Variants in ZNF16 observed in about 807,000 individuals in gnomAD.
ZNF16 encodes the protein zinc finger protein 16.
A neutral mutation model predicts 9.0 loss-of-function variants in ZNF16; 7 were observed. The ratio of observed to expected loss-of-function variants is 0.78; its 90% CI spans 0.44 to 1.47. The LOEUF (loss-of-function observed/expected upper bound fraction) is 1.47. Ranked by LOEUF, ZNF16 falls within the 40% of genes most tolerant of loss-of-function variation. The pLI is 0.01. For synonymous variants in ZNF16, 312 were observed against 301.5 expected (o/e 1.03, Z -0.36); for missense variants, 830 against 854.2 (o/e 0.97, Z 0.35).
chr8:144,946,094 G>T lies in ZNF16; in HGVS notation c.113C>A (p.Thr38Asn). 6 of 1,612,900 alleles carry T rather than the reference G, an allele frequency of 3.7e-6. No individual in the cohort carries two copies. The highest frequency in any genetic ancestry group is 5.1e-6 in the Non-Finnish European group (6 of 1,179,168). ...QARVRDAPAV[T>N]HPGSAACGTP... is the part of the protein sequence containing the mutation. ...ACCACAGGCTGCAGATCCAGGGTGG[G>T]TCACAGCAGGAGCATCTCTCACACG... Residue 38 changes from threonine to asparagine, a missense_variant, in exon 2 of 3, where the codon ACC becomes AAC. Physicochemically the swap from Thr to Asn is moderately conservative, Grantham distance 65. Coordinates refer to ENST00000394909, the MANE Select transcript of ZNF16 (RefSeq NM_006958.3).
At chr8:144,937,100 TC>T (rs1164042594) in intron 2 of ZNF16, among the ~76,000 whole-genome samples, 1 of 151,350 alleles carries the variant, frequency 6.6e-6, no homozygotes. Flanking sequence ...TTTGCAGATT[TC>T]CCCCCATTCT....
Position 144,931,588 on chromosome 8 carries a change from G to T in ZNF16, c.1199C>A (p.Thr400Asn). The change falls in exon 3 of 3, where the codon ACT (threonine) becomes AAT (asparagine). Residue 400 changes from threonine to asparagine, a missense_variant. By Grantham distance (65) the Thr-to-Asn change is moderately conservative (BLOSUM62 0). Transcript: ENST00000394909. ...ATTACACTCATAAGGCTTCTCTCCA[G>T]TGTGGACCCTCTGGTGCTTCCTCAG... is the stretch of plus-strand genomic sequence containing the variant. ...AHLRKHQRVH[T>N]GEKPYECNDC... 2 of 1,614,176 alleles carry T rather than the reference G, an allele frequency of 1.2e-6. No homozygotes were observed. Among genetic ancestry groups the T allele is most frequent in the Non-Finnish European group, 1.7e-6 (2 of 1,180,028 alleles).
chr8:144,936,172 T>C (rs1288822883), intron 2 of ZNF16, among the ~76,000 whole-genome samples: 2 of 152,254 alleles, frequency 1.3e-5, no homozygotes, highest in African/African-American at 4.8e-5. Context: ...AATGGAATTA[T>C]ATAGTATGTG....
At chr8:144,938,100 T>G (rs750150468) in intron 2 of ZNF16, among the ~76,000 whole-genome samples, 1 of 152,254 alleles carries the variant, frequency 6.6e-6, no homozygotes, top group Non-Finnish European at 1.5e-5. Context: ...ATGCGTTTAT[T>G]TCTGGACTCT....
intron 1 of ZNF16, among the ~76,000 whole-genome samples, chr8:144,946,556 C>CTGTGTCCTG (rs1833937769): frequency 8.2e-6 from 1 of 121,304 alleles, no homozygotes; most frequent in Non-Finnish European, 1.7e-5. Flanking sequence ...TGCTGTGGGG[C>CTGTGTCCTG]CTGTACCCTG....
intron 2 of ZNF16, among the ~76,000 whole-genome samples, chr8:144,937,901 C>A (rs1229182864): frequency 6.6e-6 from 1 of 152,114 alleles, no homozygotes; most frequent in African/African-American, 2.4e-5. Flanking sequence ...CTCCTGGCCT[C>A]AAGCGATCCT....
rs1833586240 is a variant in ZNF16, at chr8:144,932,643, G to C, written c.197-53C>G. 19 of 1,564,248 alleles carry C rather than the reference G, an allele frequency of 1.2e-5. No individual in the cohort carries two copies. Among genetic ancestry groups the C allele is most frequent in the Non-Finnish European group, 1.6e-5 (19 of 1,153,590 alleles). On this transcript the variant is annotated intron_variant, in intron 2 of 2. Coordinates refer to ENST00000394909, the MANE Select transcript of ZNF16 (RefSeq NM_006958.3). The surrounding 1 kb of genome is among the most constrained non-coding windows in gnomAD (Gnocchi z 5.0). Reference sequence around the variant, plus strand: ...GAAGGCAGTGCTGCAGCAGGAGCAGGAACATAGACAGTCACAGTTGCACCC... The same window carrying C: ...GAAGGCAGTGCTGCAGCAGGAGCAGCAACATAGACAGTCACAGTTGCACCC...
At chr8:144,949,530 C>G (rs929639667) in intron 1 of ZNF16, among the ~76,000 whole-genome samples, 1 of 152,204 alleles carries the variant, frequency 6.6e-6, no homozygotes, top group Admixed American at 6.5e-5. Context: ...TGACCTGTAC[C>G]TTGAACAATT....
At chr8:144,938,461 A>G (rs1333978567) in intron 2 of ZNF16, among the ~76,000 whole-genome samples, 2 of 152,194 alleles carry the variant, frequency 1.3e-5, no homozygotes, top group African/African-American at 4.8e-5. Context: ...TTCAGTGGAC[A>G]AGTCTTAAAT....
At chr8:144,942,270 G>A (rs528454535) in intron 2 of ZNF16, among the ~76,000 whole-genome samples, 1 of 150,618 alleles carries the variant, frequency 6.6e-6, no homozygotes. Flanking sequence ...GAGCCACCAT[G>A]CCTGGCCCAT....
At chr8:144,949,404 G>A (rs1834037330) in intron 1 of ZNF16, among the ~76,000 whole-genome samples, 2 of 152,204 alleles carry the variant, frequency 1.3e-5, no homozygotes, top group African/African-American at 4.8e-5. Context: ...ACCCACCCTT[G>A]TCTCCCATGC....
rs569696882 is a variant in ZNF16, at chr8:144,933,409, G to A, written c.197-819C>T. Among the ~76,000 whole-genome samples the A allele has an allele frequency of 3.3e-5, 5 of 152,256 alleles. No individual in the cohort carries two copies. Among genetic ancestry groups the A allele is most frequent in the South Asian group, 2.1e-4 (1 of 4,830 alleles). On this transcript the variant is annotated intron_variant, in intron 2 of 2. Coordinates refer to ENST00000394909, the MANE Select transcript of ZNF16 (RefSeq NM_006958.3). This position sits in a 1 kb window ranked among gnomAD's most constrained non-coding sequence, Gnocchi z 5.6. ...TCGTAACAATGTGCGTCATCTTTCC[G>A]CAGACAGAAATGCACACAAAGCTCC...
chr8:144,942,844 T>C (rs911158701), intron 2 of ZNF16, among the ~76,000 whole-genome samples: 1 of 152,184 alleles, frequency 6.6e-6, no homozygotes, highest in Admixed American at 6.5e-5. Flanking sequence ...AAAACCACAA[T>C]TAATTTTGCA....
chr8:144,942,061 T>C (rs1341034754), intron 2 of ZNF16, among the ~76,000 whole-genome samples: 1 of 146,232 alleles, frequency 6.8e-6, no homozygotes, highest in African/African-American at 2.6e-5. Context: ...CATTGCAAGC[T>C]CCGTCTCCCG....
chr8:144,945,243 A>G (rs1398368390), intron 2 of ZNF16: 2 of 152,234 alleles, frequency 1.3e-5, no homozygotes, highest in Middle Eastern at 3.4e-3. Context: ...GGTTCAAGCA[A>G]TTCTTGTGCT....
chr8:144,932,697 G>T lies in ZNF16; in HGVS notation c.197-107C>A. The stretch of plus-strand genomic sequence containing the variant: ...AACTGTGGAGGAGGCAAGGGGAGCA[G>T]GGGATCCTCTGGGGTGGCAGTCCAG... On this transcript the variant is annotated intron_variant, in intron 2 of 2. Coordinates refer to ENST00000394909, the MANE Select transcript of ZNF16 (RefSeq NM_006958.3). The surrounding 1 kb of genome is among the most constrained non-coding windows in gnomAD (Gnocchi z 5.0). 1 of 1,238,362 alleles carries T rather than the reference G, an allele frequency of 8.1e-7. No individual in the cohort carries two copies. The highest frequency in any genetic ancestry group is 1.1e-6 in the Non-Finnish European group (1 of 888,966). The allele number at this position is 1,238,362 out of a possible 1,614,324, so 76.7% of individuals were successfully genotyped here. A position where few individuals can be genotyped will look rare whatever the true frequency, so the allele number is the denominator to read the frequency against.
Position 144,931,451 on chromosome 8 carries a change from AG to A in ZNF16, c.1335del (p.Ser446ProfsTer125). 1 of 1,614,016 alleles carries A rather than the reference AG, an allele frequency of 6.2e-7. No homozygotes were observed. ...ATTCTCCGATGCTGAATAAGGCTGG[AG>A]CTCTGACTAAATGCTTTCCCACAGT... is the stretch of plus-strand genomic sequence containing the variant. ...CSDCGKAFSQ[S>X]SSLIQHRRIH... On this transcript the variant is annotated frameshift_variant, in exon 3 of 3. Transcript: ENST00000394909. LOFTEE classifies it low-confidence loss of function (END_TRUNC).
chr8:144,949,577 C>T (rs1408207351), intron 1 of ZNF16, among the ~76,000 whole-genome samples: 1 of 152,218 alleles, frequency 6.6e-6, no homozygotes, highest in East Asian at 1.9e-4. Context: ...AACTTTGCCC[C>T]AGCCACTTTG....
At position 144,932,216 on chromosome 8, in the gene ZNF16, G is replaced by C. The variant is rs768672759; in HGVS notation, c.571C>G (p.Gln191Glu). Reference sequence around the variant, plus strand: ...TGACCAGTTAGGTCCACACTGTGCTGGAAACTCTGGCCACCCATGTCATAT... The same window carrying C: ...TGACCAGTTAGGTCCACACTGTGCTCGAAACTCTGGCCACCCATGTCATAT... ...HPYDMGGQSFQHSVDLTGHEG... is the reference protein window; with the variant it reads ...HPYDMGGQSFEHSVDLTGHEG... The change falls in exon 3 of 3, where the codon CAG (glutamine) becomes GAG (glutamate). Residue 191 changes from glutamine to glutamate, a missense_variant. Physicochemically the swap from Gln to Glu is conservative, Grantham distance 29 (BLOSUM62 2). Transcript: ENST00000394909. The surrounding 1 kb of genome is among the most constrained non-coding windows in gnomAD (Gnocchi z 5.0). 4.3e-6 allele frequency: 7 copies of C among 1,614,192 alleles called. No homozygotes were observed. In the South Asian group the frequency reaches 7.7e-5, roughly 18 times the overall value.
Sources: allele counts gnomAD v4.1 joint callset (sites outside exome capture counted in the v4.1 genomes callset), GRCh38; gene constraint gnomAD v4.1.1; non-coding constraint Gnocchi (gnomAD v3.1); transcripts MANE v1.5; gene names NCBI Gene and HGNC (gene_info 2026-07-23, HGNC 2026-07-21).